PCDHGB3: variants seen among roughly 807,000 people sequenced by gnomAD.
The protein encoded by PCDHGB3 is protocadherin gamma subfamily B, 3.
Under a neutral mutation model 59.2 loss-of-function variants are expected in PCDHGB3, and 40 were observed. That is an observed-to-expected ratio of 0.68 (90% CI 0.52 to 0.88). The LOEUF is 0.88. Among genes scored for constraint, PCDHGB3 ranks in the 40% least tolerant of loss-of-function variants. The probability of loss-of-function intolerance (pLI) is 0.00; values close to 1 mark genes in which losing one functional copy is unlikely to be tolerated. For synonymous variants in PCDHGB3, 581 were observed against 503.6 expected, an observed-to-expected ratio of 1.15 and a Z score of -2.06; for missense variants, 1,309 against 1,187.9, an observed-to-expected ratio of 1.10 and a Z score of -1.50.
At chr5:141,481,913 C>CAAAAA (rs34114744) in intron 1 of PCDHGB3, among the ~76,000 whole-genome samples, 2 of 90,852 alleles carry the variant, frequency 2.2e-5, no homozygotes, top group Non-Finnish European at 4.4e-5. Flanking sequence ...AACTCCATCT[C>CAAAAA]AAAAAAAAAA....
In PCDHGB3 at chr5:141,432,847, G is replaced by C. The variant is rs768265171; in HGVS notation, c.2415+60038G>C. ...ACCTCACTCTGTACCTGGTGGTAGC[G>C]GTGGCCGCGGTCTCCTGCGTCTTCC... On this transcript the variant is annotated intron_variant, in intron 1 of 3. Transcript: ENST00000576222. The surrounding 1 kb of genome is among the most constrained non-coding windows in gnomAD (Gnocchi z 6.0). The C allele has an allele frequency of 1.2e-6, 2 of 1,614,180 alleles. No homozygotes were observed. Among genetic ancestry groups the C allele is most frequent in the Admixed American group, 1.7e-5 (1 of 60,032 alleles).
chr5:141,397,359 A>T (rs372780097), intron 1 of PCDHGB3, among the ~76,000 whole-genome samples: 10 of 152,226 alleles, frequency 6.6e-5, no homozygotes, highest in African/African-American at 2.4e-4. Flanking sequence ...AGTCAGGAAG[A>T]GGAGATGTTT....
chr5:141,382,720 T>C (rs894143659), intron 1 of PCDHGB3: 7 of 480,002 alleles, frequency 1.5e-5, no homozygotes, highest in African/African-American at 1.4e-4. Flanking sequence ...AACCACCGAG[T>C]TTTACAGCAC....
At chr5:141,448,220 G>A (rs750470070) in intron 1 of PCDHGB3, among the ~76,000 whole-genome samples, 9 of 152,148 alleles carry the variant, frequency 5.9e-5, no homozygotes, top group Non-Finnish European at 1.0e-4. Flanking sequence ...GTATGCGAAT[G>A]TATGTGTGGG....
At chr5:141,472,980 CAAA>C (rs60579131) in intron 1 of PCDHGB3, among the ~76,000 whole-genome samples, 10 of 86,092 alleles carry the variant, frequency 1.2e-4, no homozygotes, top group Non-Finnish European at 1.2e-4. Context: ...GAGTGAAACT[CAAA>C]AAAAAAAAAA....
chr5:141,438,513 A>G (rs2097964808), intron 1 of PCDHGB3, among the ~76,000 whole-genome samples: 1 of 148,768 alleles, frequency 6.7e-6, no homozygotes, highest in Non-Finnish European at 1.5e-5. Context: ...TGCAAAACCA[A>G]TTATTTTACA....
intron 1 of PCDHGB3, chr5:141,384,126 C>T (rs749225079): frequency 1.9e-6 from 3 of 1,610,938 alleles, no homozygotes; most frequent in Non-Finnish European, 2.5e-6. Context: ...CAACCAAAAA[C>T]TTGGACCGGG....
chr5:141,383,044 G>A, intron 1 of PCDHGB3: 2 of 1,613,876 alleles, frequency 1.2e-6, no homozygotes, highest in Non-Finnish European at 1.7e-6. Flanking sequence ...GGGAGACATC[G>A]CCAAGGACCT....
At chr5:141,437,999 C>T (rs1230507077) in intron 1 of PCDHGB3, among the ~76,000 whole-genome samples, 1 of 152,062 alleles carries the variant, frequency 6.6e-6, no homozygotes, top group African/African-American at 2.4e-5. Flanking sequence ...CCTCAGCCTC[C>T]CAAATAGCTG....
At chr5:141,394,310 GC>G in intron 1 of PCDHGB3, 6 of 1,613,936 alleles carry the variant, frequency 3.7e-6, no homozygotes, top group Non-Finnish European at 5.1e-6. Context: ...TGCAGGGGGC[GC>G]CCCTGTCCTC....
chr5:141,412,534 A>G (rs1324712420), intron 1 of PCDHGB3: 1 of 152,192 alleles, frequency 6.6e-6, no homozygotes, highest in African/African-American at 2.4e-5. Context: ...ACAATTATAA[A>G]GCTTCAGAGT....
intron 1 of PCDHGB3, among the ~76,000 whole-genome samples, chr5:141,435,462 T>G (rs1206913100): frequency 6.6e-6 from 1 of 152,230 alleles, no homozygotes; most frequent in Non-Finnish European, 1.5e-5. Flanking sequence ...TGTATGTGTT[T>G]CCAAGTTAGA....
At chr5:141,404,521 G>A in intron 1 of PCDHGB3, 2 of 1,613,976 alleles carry the variant, frequency 1.2e-6, no homozygotes, top group Non-Finnish European at 1.7e-6. Flanking sequence ...TTGACTATGA[G>A]CAGTTTAGAG....
chr5:141,415,717 A>G, intron 1 of PCDHGB3: 1 of 839,652 alleles, frequency 1.2e-6, no homozygotes, highest in Non-Finnish European at 1.8e-6. Flanking sequence ...AACACTGATG[A>G]GTAGAATTTG....
chr5:141,415,482 G>C, intron 1 of PCDHGB3: 1 of 1,614,218 alleles, frequency 6.2e-7, no homozygotes, highest in Non-Finnish European at 8.5e-7. Context: ...ACTCGCGAAA[G>C]AGTCACCTGA....
At chr5:141,475,014 C>G (rs2099358221) in intron 1 of PCDHGB3, among the ~76,000 whole-genome samples, 1 of 152,202 alleles carries the variant, frequency 6.6e-6, no homozygotes, top group South Asian at 2.1e-4. Flanking sequence ...AAAGTTAAGG[C>G]TCTTTATTCT....
rs1464357405 is a variant in PCDHGB3 at position 141,476,385 on chromosome 5, A to G, written c.2416-18422A>G. On this transcript the variant is annotated intron_variant, in intron 1 of 3. Coordinates refer to ENST00000576222, the MANE Select transcript of PCDHGB3 (RefSeq NM_018924.5). The surrounding 1 kb of genome is among the most constrained non-coding windows in gnomAD (Gnocchi z 7.6). ...GAGACCGGAGAGATGTTTGTGAACG[A>G]CCGTCTGGATCGAGAGGAGCTGTGT... The G allele has an allele frequency of 4.3e-6, 7 of 1,614,062 alleles. No homozygotes were observed. The highest frequency in any genetic ancestry group is 5.9e-6 in the Non-Finnish European group (7 of 1,180,020).
rs759647406 is a variant in PCDHGB3 at position 141,493,849 on chromosome 5, A to G, written c.2416-958A>G. Among the ~76,000 whole-genome samples the G allele has an allele frequency of 6.6e-6, 1 of 152,178 alleles. No individual in the cohort carries two copies. The highest frequency in any genetic ancestry group is 1.5e-5 in the Non-Finnish European group (1 of 68,028). ...CTGGGAGCAAGTATGAGTATTAATT[A>G]CCAGCCCACCCCAGAACCAGTGAGG... On this transcript the variant is annotated intron_variant, in intron 1 of 3. Coordinates refer to ENST00000576222, the MANE Select transcript of PCDHGB3 (RefSeq NM_018924.5). The surrounding 1 kb of genome is among the most constrained non-coding windows in gnomAD (Gnocchi z 4.3).
At chr5:141,387,848 C>T (rs746271589) in intron 1 of PCDHGB3, 1 of 1,597,460 alleles carries the variant, frequency 6.3e-7, no homozygotes, top group South Asian at 1.1e-5. Flanking sequence ...AACCCGGCGT[C>T]TCCAGGCTGG....
Sources: gnomAD v4.1 joint callset for allele counts (sites outside exome capture counted in the v4.1 genomes callset) on GRCh38, gnomAD v4.1.1 for gene constraint, Gnocchi (gnomAD v3.1) non-coding constraint, MANE v1.5 for transcripts, NCBI Gene and HGNC (gene_info 2026-07-23, HGNC 2026-07-21) for gene names.